The following TUSC3 variants were observed in gnomAD, a reference collection of about 807,000 sequenced individuals.
The protein encoded by TUSC3 is dolichyl-diphosphooligosaccharide--protein glycosyltransferase subunit TUSC3.
Under a neutral mutation model 44.8 loss-of-function variants are expected in TUSC3, and 45 were observed. That is an observed-to-expected ratio of 1.00 (90% CI 0.79 to 1.29). TUSC3 has a LOEUF of 1.29. Among genes scored for constraint, TUSC3 ranks in the 50% most tolerant of loss-of-function variants. TUSC3 has a pLI of 0.00. For synonymous variants in TUSC3, 212 were observed against 152.9 expected, an observed-to-expected ratio of 1.39 and a Z score of -2.85; for missense variants, 519 against 437.9, an observed-to-expected ratio of 1.19 and a Z score of -1.65.
chr8:15,563,222 T>C (rs1461324246), intron 1 of TUSC3, among the ~76,000 whole-genome samples: 1 of 152,138 alleles, frequency 6.6e-6, no homozygotes, highest in Non-Finnish European at 1.5e-5. Context: ...ACTTCATAAA[T>C]AACTTCATGT....
At chr8:15,623,458 C>A (rs534671802) in intron 2 of TUSC3, among the ~76,000 whole-genome samples, 10 of 152,022 alleles carry the variant, frequency 6.6e-5, no homozygotes, top group Non-Finnish European at 1.2e-4. Flanking sequence ...TATTCATTGA[C>A]CAGTTGCACA....
chr8:15,742,935 C>G (rs982557747), intron 7 of TUSC3, among the ~76,000 whole-genome samples: 8 of 152,172 alleles, frequency 5.3e-5, no homozygotes, highest in Non-Finnish European at 1.0e-4. Context: ...GTGTTAAAAA[C>G]AAGTAATTTT....
At chr8:15,718,486 G>A (rs78869448) in intron 6 of TUSC3, among the ~76,000 whole-genome samples, 1 of 152,124 alleles carries the variant, frequency 6.6e-6, no homozygotes, top group South Asian at 2.1e-4. Flanking sequence ...AAGTCAAAAT[G>A]TAGTCAACCA....
At chr8:15,420,491 C>CT (rs1799725521) in intron 1 of TUSC3, among the ~76,000 whole-genome samples, 1 of 151,352 alleles carries the variant, frequency 6.6e-6, no homozygotes, top group Non-Finnish European at 1.5e-5. Context: ...GAGTGAGACT[C>CT]TGTCTCATAA....
chr8:15,823,765 G>T, the TUSC3 span, among the ~76,000 whole-genome samples: 3 of 151,562 alleles, frequency 2.0e-5, no homozygotes, highest in Non-Finnish European at 4.4e-5. Context: ...TCTTAATCCT[G>T]CAACTAAATC....
At chr8:15,523,887 G>C (rs12550693) in intron 2 of TUSC3, among the ~76,000 whole-genome samples, 113,743 of 150,696 alleles carry the variant, frequency 0.75, 46,415 homozygotes, top group Non-Finnish European at 0.9. Flanking sequence ...GAAACCCCGT[G>C]TCTACTAGCA....
At chr8:15,831,241 T>G in the TUSC3 span, among the ~76,000 whole-genome samples, 1 of 152,150 alleles carries the variant, frequency 6.6e-6, no homozygotes, top group Non-Finnish European at 1.5e-5. Context: ...AAACCCACCT[T>G]ATACTACAAT....
chr8:15,774,774 AT>A, the TUSC3 span, among the ~76,000 whole-genome samples: 1 of 152,122 alleles, frequency 6.6e-6, no homozygotes, highest in Non-Finnish European at 1.5e-5. Context: ...TCAAAATGAC[AT>A]ATCACTCTGA....
At chr8:15,562,871 A>G (rs181626481) in intron 1 of TUSC3, among the ~76,000 whole-genome samples, 7 of 152,128 alleles carry the variant, frequency 4.6e-5, no homozygotes, top group Non-Finnish European at 1.0e-4. Context: ...CTAATCCAGG[A>G]TAATCTCTCA....
chr8:15,821,087 G>A, the TUSC3 span, among the ~76,000 whole-genome samples: 315 of 152,202 alleles, frequency 2.1e-3, 2 homozygotes, highest in African/African-American at 7.3e-3. Context: ...TGCTAGTGAA[G>A]AAGTCTCTTA....
At chr8:15,738,827 C>CTTTTTTTTTTTCTTTCTTTTTTT (rs1811050249) in intron 7 of TUSC3, among the ~76,000 whole-genome samples, 1 of 87,172 alleles carries the variant, frequency 1.1e-5, no homozygotes, top group African/African-American at 4.9e-5. Flanking sequence ...ATATATCTTG[C>CTTTTTTTTTTTCTTTCTTTTTTT]TTTTTTTTTT....
At chr8:15,746,359 T>A (rs1585296358) in intron 8 of TUSC3, among the ~76,000 whole-genome samples, 1 of 152,140 alleles carries the variant, frequency 6.6e-6, no homozygotes, top group South Asian at 2.1e-4. Context: ...GAAAGTGAGC[T>A]GGAAAACATA....
chr8:15,588,260 G>A (rs1803677625), intron 1 of TUSC3, among the ~76,000 whole-genome samples: 1 of 151,860 alleles, frequency 6.6e-6, no homozygotes, highest in Non-Finnish European at 1.5e-5. Flanking sequence ...GTCATTCTGG[G>A]ATTAGATGTT....
chr8:15,533,627 A>G (rs1230668769), intron 2 of TUSC3, among the ~76,000 whole-genome samples: 1 of 152,222 alleles, frequency 6.6e-6, no homozygotes, highest in Admixed American at 6.5e-5. Flanking sequence ...AGAGAGAAAC[A>G]TAAAAAGCAG....
At chr8:15,546,168 T>G (rs1415325750) in intron 1 of TUSC3, among the ~76,000 whole-genome samples, 1 of 151,826 alleles carries the variant, frequency 6.6e-6, no homozygotes, top group African/African-American at 2.4e-5. Context: ...TATCCAGTCT[T>G]TATTTCTATC....
intron 2 of TUSC3, among the ~76,000 whole-genome samples, chr8:15,533,838 A>C (rs1801483049): frequency 6.6e-6 from 1 of 152,046 alleles, no homozygotes; most frequent in South Asian, 2.1e-4. Context: ...CTTGGGGCTG[A>C]CATCTCTCCA....
At chr8:15,653,790 T>TC (rs1491229202) in intron 3 of TUSC3, among the ~76,000 whole-genome samples, 1 of 152,252 alleles carries the variant, frequency 6.6e-6, no homozygotes. Context: ...TTTAACTGAC[T>TC]ATTAAATCAT....
intron 8 of TUSC3, among the ~76,000 whole-genome samples, chr8:15,746,934 A>G (rs899726999): frequency 3.3e-5 from 5 of 152,134 alleles, no homozygotes; most frequent in Middle Eastern, 3.4e-3. Flanking sequence ...TTTTTATTTT[A>G]TGATACTCAC....
At chr8:15,420,320 A>C (rs1435499770) in intron 1 of TUSC3, among the ~76,000 whole-genome samples, 2 of 152,126 alleles carry the variant, frequency 1.3e-5, no homozygotes, top group East Asian at 3.9e-4. Flanking sequence ...AACATGGGGA[A>C]ACCTCGTCTC....
Sources: gnomAD v4.1 joint callset for allele counts (sites outside exome capture counted in the v4.1 genomes callset) on GRCh38, gnomAD v4.1.1 for gene constraint, MANE v1.5 for transcripts, NCBI Gene and HGNC (gene_info 2026-07-23, HGNC 2026-07-21) for gene names.